Variants in SYT1 observed in about 807,000 individuals in gnomAD.
SYT1 encodes synaptotagmin 1.
A neutral mutation model predicts 44.8 loss-of-function variants in SYT1; 8 were observed. The observed-to-expected ratio is 0.18, with a 90% confidence interval of 0.10 to 0.32. The LOEUF is 0.32. Among genes scored for constraint, SYT1 ranks in the 10% least tolerant of loss-of-function variants. The pLI, the probability that SYT1 is intolerant of heterozygous loss-of-function variation, is 1.00. For synonymous variants in SYT1, 154 were observed against 188.8 expected (o/e 0.82, Z 1.51); for missense variants, 286 against 509.3 (o/e 0.56, Z 4.22).
At chr12:79,358,949 G>C (rs576016618) in intron 9 of SYT1, among the ~76,000 whole-genome samples, 56 of 152,240 alleles carry the variant, frequency 3.7e-4, no homozygotes, top group Non-Finnish European at 7.4e-4. Flanking sequence ...ACCACAAATT[G>C]ATTTTCTTGC....
chr12:79,322,972 T>TGTAG (rs1283684927), intron 8 of SYT1, among the ~76,000 whole-genome samples: 3 of 152,210 alleles, frequency 2.0e-5, no homozygotes, highest in Non-Finnish European at 2.9e-5. Flanking sequence ...TTTGTAGTCT[T>TGTAG]GCTTCAAGGC....
intron 9 of SYT1, among the ~76,000 whole-genome samples, chr12:79,422,066 G>A (rs1015891550): frequency 2.0e-5 from 3 of 151,904 alleles, no homozygotes; most frequent in East Asian, 1.9e-4. Flanking sequence ...CCTCGAGGCC[G>A]GTAATTTTAT....
At chr12:79,235,375 G>T (rs1383818924) in intron 4 of SYT1, among the ~76,000 whole-genome samples, 2 of 151,900 alleles carry the variant, frequency 1.3e-5, no homozygotes, top group Non-Finnish European at 2.9e-5. Flanking sequence ...AGACCTAAAT[G>T]TAAAAGTTAA....
chr12:79,375,735 T>G (rs1883967325), intron 9 of SYT1, among the ~76,000 whole-genome samples: 1 of 152,218 alleles, frequency 6.6e-6, no homozygotes, highest in African/African-American at 2.4e-5. Flanking sequence ...TAATATAAAT[T>G]TCATTGCTAA....
At chr12:79,209,253 C>A (rs1270062960) in intron 3 of SYT1, among the ~76,000 whole-genome samples, 2 of 152,162 alleles carry the variant, frequency 1.3e-5, no homozygotes, top group African/African-American at 4.8e-5. Context: ...TTTTGATATG[C>A]TGCTAGGCTT....
At chr12:79,326,901 A>G (rs1260416713) in intron 8 of SYT1, among the ~76,000 whole-genome samples, 2 of 152,242 alleles carry the variant, frequency 1.3e-5, no homozygotes, top group African/African-American at 2.4e-5. Flanking sequence ...AGGATGACTC[A>G]GGGATCAGAT....
intron 1 of SYT1, among the ~76,000 whole-genome samples, chr12:78,904,969 TA>T (rs1253143839): frequency 2.0e-5 from 3 of 152,324 alleles, no homozygotes; most frequent in Admixed American, 2.0e-4. Flanking sequence ...ATTATCATTG[TA>T]TTTAATCATC....
At chr12:79,151,066 C>A (rs1870242562) in intron 3 of SYT1, among the ~76,000 whole-genome samples, 1 of 152,080 alleles carries the variant, frequency 6.6e-6, no homozygotes, top group African/African-American at 2.4e-5. Flanking sequence ...GTGCCACAGA[C>A]CCAGAGGCTG....
intron 2 of SYT1, among the ~76,000 whole-genome samples, chr12:78,982,806 C>G (rs1220912811): frequency 3.3e-5 from 5 of 152,064 alleles, no homozygotes; most frequent in African/African-American, 1.2e-4. Flanking sequence ...AGTTGAGTTT[C>G]CAATCAATCT....
rs374190711 is a variant in SYT1 at position 79,005,026 on chromosome 12, T to A, written c.-84+27095T>A. Among the ~76,000 whole-genome samples the A allele has an allele frequency of 1.1e-4, 16 of 152,116 alleles. 1 individual carries two copies. Among genetic ancestry groups the A allele is most frequent in the East Asian group, 5.8e-4 (3 of 5,158 alleles). On this transcript the variant is annotated intron_variant, in intron 2 of 10. Coordinates refer to ENST00000261205, the MANE Select transcript of SYT1 (RefSeq NM_005639.3). Reference sequence around the variant, plus strand: ...AACTTGAAAACCATAATAGATAGCATCTTATAAAAAGATGCTTATTGTGTG... The same window carrying A: ...AACTTGAAAACCATAATAGATAGCAACTTATAAAAAGATGCTTATTGTGTG...
intron 1 of SYT1, chr12:78,960,117 A>C (rs2137333776): frequency 6.6e-6 from 1 of 152,340 alleles, no homozygotes; most frequent in African/African-American, 2.4e-5. Flanking sequence ...AAATTTAATA[A>C]AAATGGCAAC....
intron 3 of SYT1, among the ~76,000 whole-genome samples, chr12:79,080,544 C>T (rs1430173749): frequency 6.6e-6 from 1 of 151,974 alleles, no homozygotes; most frequent in Non-Finnish European, 1.5e-5. Flanking sequence ...GGTGGATATA[C>T]ATATAAATAC....
intron 1 of SYT1, among the ~76,000 whole-genome samples, chr12:78,900,217 T>C (rs1682770172): frequency 6.6e-6 from 1 of 152,154 alleles, no homozygotes; most frequent in African/African-American, 2.4e-5. Flanking sequence ...CTTATTATTT[T>C]ATTCTTTCAT....
chr12:79,179,560 T>C (rs1222123220), intron 3 of SYT1, among the ~76,000 whole-genome samples: 1 of 148,114 alleles, frequency 6.8e-6, no homozygotes, highest in African/African-American at 2.5e-5. Flanking sequence ...TAGATATAGA[T>C]TTAGATATAT....
At chr12:78,905,592 C>T (rs1375120946) in intron 1 of SYT1, among the ~76,000 whole-genome samples, 2 of 152,042 alleles carry the variant, frequency 1.3e-5, no homozygotes, top group Non-Finnish European at 2.9e-5. Flanking sequence ...ACCATCTATT[C>T]TTCTCCCCTA....
rs571726906 is a variant in SYT1 at position 79,121,180 on chromosome 12, C to T, written c.-18+73818C>T. Among the ~76,000 whole-genome samples, 5 of 151,968 alleles carry T rather than the reference C, an allele frequency of 3.3e-5. 1 individual carries two copies. Among genetic ancestry groups the T allele is most frequent in the Admixed American group, 2.6e-4 (4 of 15,242 alleles). ...TCTGTCTTCCTTCTCCTCTGGCAAA[C>T]CCATTTTCCAATCACGAGCATCCCA... On this transcript the variant is annotated intron_variant, in intron 3 of 10. Transcript: ENST00000261205.
At chr12:79,092,218 T>C (rs776731326) in intron 3 of SYT1, among the ~76,000 whole-genome samples, 1 of 151,918 alleles carries the variant, frequency 6.6e-6, no homozygotes, top group Non-Finnish European at 1.5e-5. Flanking sequence ...GGGGTTTTAA[T>C]TGGCTTTATA....
At chr12:79,348,977 GAGGAAGAAA>G (rs1420650029) in intron 8 of SYT1, among the ~76,000 whole-genome samples, 19 of 132,170 alleles carry the variant, frequency 1.4e-4, no homozygotes, top group African/African-American at 5.6e-4. Context: ...GAAAAAGAAA[GAGGAAGAAA>G]GAAAGAGAGA....
intron 10 of SYT1, among the ~76,000 whole-genome samples, chr12:79,444,955 G>A (rs957649526): frequency 6.6e-6 from 1 of 151,774 alleles, no homozygotes; most frequent in Non-Finnish European, 1.5e-5. Context: ...AATAATTTTG[G>A]GCCATTTCTT....
Sources: gnomAD v4.1 joint callset for allele counts (sites outside exome capture counted in the v4.1 genomes callset) on GRCh38, gnomAD v4.1.1 for gene constraint, MANE v1.5 for transcripts, NCBI Gene and HGNC (gene_info 2026-07-23, HGNC 2026-07-21) for gene names.